HSPA14: variants seen among roughly 807,000 people sequenced by gnomAD.
HSPA14 encodes heat shock 70 kDa protein 14.
In HSPA14, 37 loss-of-function variants were observed where a neutral mutation model predicts 65.5. The ratio of observed to expected loss-of-function variants is 0.56; its 90% CI spans 0.43 to 0.74. The LOEUF (loss-of-function observed/expected upper bound fraction) is 0.74, where lower values mean the gene tolerates loss of function less well. Ranked by LOEUF, HSPA14 falls within the 30% of genes least tolerant of loss-of-function variation. HSPA14 has a pLI of 0.00. For missense variants in HSPA14, 564 were observed against 607.6 expected (o/e 0.93, Z 0.75); for synonymous variants, 203 against 214.2 (o/e 0.95, Z 0.46).
At chr10:14,840,937 C>A (rs1377878487) in intron 3 of HSPA14, among the ~76,000 whole-genome samples, 1 of 151,958 alleles carries the variant, frequency 6.6e-6, no homozygotes, top group Non-Finnish European at 1.5e-5. Flanking sequence ...TGGCATTATC[C>A]TAGGGGGTAA....
chr10:14,864,265 G>C (rs1832784565), intron 10 of HSPA14, among the ~76,000 whole-genome samples: 1 of 143,854 alleles, frequency 7.0e-6, no homozygotes. Flanking sequence ...TATTTTCCAA[G>C]GTTGGTTTTT....
At position 14,838,371 on chromosome 10, in the gene HSPA14, C is replaced by A; in HGVS notation, c.-32C>A. On this transcript the variant is annotated 5_prime_UTR_variant, in exon 1 of 14. Transcript: ENST00000378372. ...GTAGCTGTTGCTGTTGGGGGACCCC[C>A]TCATTCCTGCCGCTGCCGTCCCTGC... The A allele has an allele frequency of 6.3e-7, 1 of 1,582,824 alleles. No homozygotes were observed. Among genetic ancestry groups the A allele is most frequent in the African/African-American group, 1.3e-5 (1 of 74,732 alleles).
chr10:14,852,486 A>C lies in HSPA14; in HGVS notation c.689A>C (p.His230Pro), dbSNP rs1054729671. The C allele has an allele frequency of 6.2e-7, 1 of 1,613,866 alleles. No individual in the cohort carries two copies. Among genetic ancestry groups the C allele is most frequent in the African/African-American group, 1.3e-5 (1 of 74,914 alleles). Reference sequence around the variant, plus strand: ...ACTGATGATAACATCGGTGGTGCACATTTCACAGAAACCTTAGCACAGTAT... The same window carrying C: ...ACTGATGATAACATCGGTGGTGCACCTTTCACAGAAACCTTAGCACAGTAT... ...TNTDDNIGGAHFTETLAQYLA... is the reference protein window; with the variant it reads ...TNTDDNIGGAPFTETLAQYLA... Residue 230 changes from histidine (H) to proline (P), a missense_variant, in exon 8 of 14, where the codon CAT (histidine) becomes CCT (proline). Transcript: ENST00000378372.
chr10:14,868,266 A>C (rs993211038), intron 12 of HSPA14, among the ~76,000 whole-genome samples: 1 of 152,196 alleles, frequency 6.6e-6, no homozygotes. Flanking sequence ...GGCCTGTGAT[A>C]GCAAATACCC....
chr10:14,856,410 C>T (rs1189704266), intron 10 of HSPA14, among the ~76,000 whole-genome samples: 2 of 152,168 alleles, frequency 1.3e-5, no homozygotes, highest in Non-Finnish European at 2.9e-5. Context: ...AAGATTTAAC[C>T]CAGTATTGTT....
rs1444170943 is a variant in HSPA14 at position 14,842,665 on chromosome 10, C to T, written c.221+2508C>T. On this transcript the variant is annotated intron_variant, in intron 3 of 13. Transcript: ENST00000378372. The surrounding 1 kb of genome is among the most constrained non-coding windows in gnomAD (Gnocchi z 5.2). ...AGCACTGTGATCAGAACTTAGTGGC[C>T]TCTGACGCCCCAGGGGAAGAGGGAA... 2 of 1,536,220 alleles carry T rather than the reference C, an allele frequency of 1.3e-6. No homozygotes were observed. The highest frequency in any genetic ancestry group is 2.4e-5 in the East Asian group (1 of 40,918).
chr10:14,864,868 T>C (rs962957890), intron 10 of HSPA14, among the ~76,000 whole-genome samples: 10 of 152,204 alleles, frequency 6.6e-5, no homozygotes, highest in African/African-American at 9.7e-5. Context: ...TCAAATGGTA[T>C]TTCTAGTTTA....
rs1364090066 is a variant in HSPA14 at position 14,842,199 on chromosome 10, AT to A, written c.221+2043del. Reference sequence around the variant, plus strand: ...CCCTGAGAGGGAAGATCCTGGAGATATCCTGAGAGCACACAGAGCTTCCCCA... The same window carrying A: ...CCCTGAGAGGGAAGATCCTGGAGATACCTGAGAGCACACAGAGCTTCCCCA... On this transcript the variant is annotated intron_variant, in intron 3 of 13. Coordinates refer to ENST00000378372, the MANE Select transcript of HSPA14 (RefSeq NM_016299.4). This position sits in a 1 kb window ranked among gnomAD's most constrained non-coding sequence, Gnocchi z 5.2. 1 of 1,535,198 alleles carries A rather than the reference AT, an allele frequency of 6.5e-7. No homozygotes were observed. Among genetic ancestry groups the A allele is most frequent in the African/African-American group, 1.4e-5 (1 of 73,036 alleles).
chr10:14,856,380 A>C (rs989290484), intron 10 of HSPA14, among the ~76,000 whole-genome samples: 5 of 152,234 alleles, frequency 3.3e-5, no homozygotes, highest in Non-Finnish European at 5.9e-5. Flanking sequence ...CCTCAAGATC[A>C]CACGGTAAGT....
intron 10 of HSPA14, among the ~76,000 whole-genome samples, chr10:14,865,145 C>T (rs1366997649): frequency 6.6e-6 from 1 of 152,188 alleles, no homozygotes; most frequent in East Asian, 1.9e-4. Flanking sequence ...TGTTCATATC[C>T]TTCGCCCACT....
At chr10:14,856,059 G>A (rs779992673) in intron 10 of HSPA14, 116 bp downstream of exon 10, 2 of 655,670 alleles carry the variant, frequency 3.1e-6, no homozygotes, top group Non-Finnish European at 2.7e-6. Context: ...TTCTTAGATT[G>A]TGTTAATGAA....
chr10:14,869,940 C>A (rs76797256), intron 12 of HSPA14, among the ~76,000 whole-genome samples: 14,925 of 152,184 alleles, frequency 0.098, 863 homozygotes, highest in South Asian at 0.21. Flanking sequence ...TTTCAGAGTT[C>A]CCATCTGTTC....
chr10:14,862,010 C>CA lies in HSPA14; in HGVS notation c.994-5061dup, dbSNP rs1209126963. 2.5e-3 allele frequency among the ~76,000 whole-genome samples: 299 copies of CA among 119,728 alleles called. 3 individuals carry two copies. Among genetic ancestry groups the CA allele is most frequent in the Middle Eastern group, 9.2e-3 (2 of 218 alleles). The allele number at this position is 119,728 out of a possible 152,430, so 78.5% of individuals were successfully genotyped here. On this transcript the variant is annotated intron_variant, in intron 10 of 13. Coordinates refer to ENST00000378372, the MANE Select transcript of HSPA14 (RefSeq NM_016299.4). ...CTGGCAACAGAGTGAGACTCTGTCT[C>CA]AAAAAAAAAAAAGAAATAGATTTTT... is the stretch of plus-strand genomic sequence containing the variant.
At chr10:14,852,555 T>C (rs1400075845) in intron 8 of HSPA14, 24 bp downstream of exon 8, 2 of 1,527,334 alleles carry the variant, frequency 1.3e-6, no homozygotes, top group African/African-American at 1.4e-5. Flanking sequence ...GCCTGAATAA[T>C]ACCTTCTGAT....
In HSPA14 at chr10:14,842,683, A is replaced by G; in HGVS notation, c.221+2526A>G. The G allele has an allele frequency of 6.5e-7, 1 of 1,536,368 alleles. No homozygotes were observed. Among genetic ancestry groups the G allele is most frequent in the East Asian group, 2.4e-5 (1 of 40,916 alleles). Reference sequence around the variant, plus strand: ...TAGTGGCCTCTGACGCCCCAGGGGAAGAGGGAACCGGCATTCTAAAATCAA... The same window carrying G: ...TAGTGGCCTCTGACGCCCCAGGGGAGGAGGGAACCGGCATTCTAAAATCAA... On this transcript the variant is annotated intron_variant, in intron 3 of 13. Transcript: ENST00000378372. The surrounding 1 kb of genome is among the most constrained non-coding windows in gnomAD (Gnocchi z 5.2).
chr10:14,869,642 A>G lies in HSPA14; in HGVS notation c.1381-955A>G, dbSNP rs186680798. ...ACAAAAGAGTAATGAAAACACACAC[A>G]TGCATAACATGCCTGGGCTGCACCT... On this transcript the variant is annotated intron_variant, in intron 12 of 13. Transcript: ENST00000378372. 1.8e-3 allele frequency among the ~76,000 whole-genome samples: 268 copies of G among 152,326 alleles called. 2 individuals are homozygous for G. Among genetic ancestry groups the G allele is most frequent in the Admixed American group, 3.5e-3 (53 of 15,302 alleles).
In HSPA14 at chr10:14,842,635, G is replaced by C. The variant is rs571603884; in HGVS notation, c.221+2478G>C. On this transcript the variant is annotated intron_variant, in intron 3 of 13. Coordinates refer to ENST00000378372, the MANE Select transcript of HSPA14 (RefSeq NM_016299.4). The surrounding 1 kb of genome is among the most constrained non-coding windows in gnomAD (Gnocchi z 5.2). Reference sequence around the variant, plus strand: ...ACAACTTAATGGAGGATGCTGCTTGGGCCAAGCACTGTGATCAGAACTTAG... The same window carrying C: ...ACAACTTAATGGAGGATGCTGCTTGCGCCAAGCACTGTGATCAGAACTTAG... 7.2e-6 allele frequency: 11 copies of C among 1,536,148 alleles called. No individual in the cohort carries two copies. In the East Asian group the frequency reaches 2.4e-4, roughly 34 times the overall value.
At chr10:14,844,941 C>T in intron 3 of HSPA14, 2 of 985,366 alleles carry the variant, frequency 2.0e-6, no homozygotes, top group Non-Finnish European at 2.4e-6. Context: ...AGGAGCTTTC[C>T]AAGATTCCTT....
chr10:14,854,552 TA>T (rs1394007526), intron 9 of HSPA14, among the ~76,000 whole-genome samples: 2 of 152,206 alleles, frequency 1.3e-5, no homozygotes, highest in African/African-American at 4.8e-5. Context: ...CTACAAGTGA[TA>T]AAGTACAAAG....
Sources: gnomAD v4.1 joint callset for allele counts (sites outside exome capture counted in the v4.1 genomes callset) on GRCh38, gnomAD v4.1.1 for gene constraint, Gnocchi (gnomAD v3.1) non-coding constraint, MANE v1.5 for transcripts, NCBI Gene and HGNC (gene_info 2026-07-23, HGNC 2026-07-21) for gene names.